Variants in MGAM2 observed in about 807,000 individuals in gnomAD.
MGAM2 encodes the protein probable maltase-glucoamylase 2.
A neutral mutation model predicts 96.1 loss-of-function variants in MGAM2; 98 were observed. The ratio of observed to expected loss-of-function variants is 1.02; its 90% CI spans 0.87 to 1.21. MGAM2 has a LOEUF of 1.21. Ranked by LOEUF, MGAM2 falls within the 50% of genes most tolerant of loss-of-function variation. MGAM2 has a pLI of 0.00. For synonymous variants in MGAM2, 749 were observed against 414.8 expected (o/e 1.81, Z -9.79); for missense variants, 2,055 against 1,182.4 (o/e 1.74, Z -10.82).
chr7:142,193,253 T>A lies in MGAM2; in HGVS notation c.4347-2901T>A, dbSNP rs189393472. On this transcript the variant is annotated intron_variant, in intron 37 of 47. Coordinates refer to ENST00000477922, the MANE Select transcript of MGAM2 (RefSeq NM_001293626.2). ...AGCACATACAATCTAAAGACCAACTTACATCTATTTCCTTCATGAAACCTG... is the reference window on the plus strand; with the variant it reads ...AGCACATACAATCTAAAGACCAACTAACATCTATTTCCTTCATGAAACCTG... Among the ~76,000 whole-genome samples, 130 of 152,288 alleles carry A rather than the reference T, an allele frequency of 8.5e-4. 1 individual carries two copies. The highest frequency in any genetic ancestry group is 6.8e-3 in the South Asian group (33 of 4,822).
At chr7:142,210,530 T>G (rs1375626214) in intron 46 of MGAM2, among the ~76,000 whole-genome samples, 1 of 152,142 alleles carries the variant, frequency 6.6e-6, no homozygotes, top group Non-Finnish European at 1.5e-5. Context: ...TACTGAGGCT[T>G]GAGTAGGCGG....
intron 3 of MGAM2, among the ~76,000 whole-genome samples, chr7:142,127,470 T>C (rs1176117328): frequency 6.6e-6 from 1 of 152,220 alleles, no homozygotes; most frequent in African/African-American, 2.4e-5. Flanking sequence ...TCAGGAGCTT[T>C]AAATCTTGTT....
intron 12 of MGAM2, 89 bp from the exon 13 acceptor site, chr7:142,143,680 A>G (rs1327435252): frequency 2.2e-6 from 1 of 461,138 alleles, no homozygotes; most frequent in Non-Finnish European, 3.9e-6. Flanking sequence ...ATGACAGCAA[A>G]ATGAGGCTCC....
At chr7:142,218,297 A>T in intron 46 of MGAM2, 64 bp from the exon 47 acceptor site, 3 of 499,658 alleles carry the variant, frequency 6.0e-6, no homozygotes, top group Non-Finnish European at 1.1e-5. Flanking sequence ...TTAATATTTT[A>T]ATATGGACCA....
Position 142,215,758 on chromosome 7 carries a change from C to CA in MGAM2, c.5188-2584dup, listed in dbSNP as rs561282810. On this transcript the variant is annotated intron_variant, in intron 46 of 47. Coordinates refer to ENST00000477922, the MANE Select transcript of MGAM2 (RefSeq NM_001293626.2). ...GGGTAGCAAGAGCGAAACTCTGTCT[C>CA]AAAAAAAAAAAAAAAAAAACCTCAT... Among the ~76,000 whole-genome samples the CA allele has an allele frequency of 3.7e-3, 386 of 103,972 alleles. 8 individuals are homozygous for CA. Among genetic ancestry groups the CA allele is most frequent in the East Asian group, 7.5e-3 (25 of 3,330 alleles). 68.2% of individuals were successfully genotyped at this position (103,972 alleles called of 152,430 possible). A position where few individuals can be genotyped will look rare whatever the true frequency, so the allele number is the denominator to read the frequency against.
chr7:142,194,690 G>A (rs1796974021), intron 37 of MGAM2, among the ~76,000 whole-genome samples: 1 of 103,972 alleles, frequency 9.6e-6, no homozygotes, highest in African/African-American at 3.8e-5. Context: ...AATAGAACAT[G>A]TGTGTATGTG....
At chr7:142,137,717 T>C (rs1795101083) in intron 9 of MGAM2, among the ~76,000 whole-genome samples, 172 bp downstream of exon 9, 3 of 152,210 alleles carry the variant, frequency 2.0e-5, no homozygotes, top group Admixed American at 2.0e-4. Flanking sequence ...TTGGGTGCTT[T>C]CTGCATTCCA....
At chr7:142,196,451 A>ATAT in intron 38 of MGAM2, 114 bp from the exon 39 acceptor site, 1 of 667,736 alleles carries the variant, frequency 1.5e-6, no homozygotes, top group Non-Finnish European at 2.7e-6. Context: ...CCATCTTTTA[A>ATAT]TATTTTCATC....
At chr7:142,150,348 A>G (rs1191903455) in intron 15 of MGAM2, among the ~76,000 whole-genome samples, 1 of 152,214 alleles carries the variant, frequency 6.6e-6, no homozygotes, top group Non-Finnish European at 1.5e-5. Flanking sequence ...GCCCTCACAT[A>G]CGATCAGTCC....
At chr7:142,208,068 G>A (rs568656365) in intron 45 of MGAM2, among the ~76,000 whole-genome samples, 2 of 152,170 alleles carry the variant, frequency 1.3e-5, no homozygotes, top group South Asian at 4.2e-4. Context: ...CACTAACTAG[G>A]TACTATTATC....
At chr7:142,207,281 A>G (rs1205732599) in intron 45 of MGAM2, among the ~76,000 whole-genome samples, 2 of 152,180 alleles carry the variant, frequency 1.3e-5, no homozygotes, top group Non-Finnish European at 2.9e-5. Context: ...TTTATATACT[A>G]TGTCACTGGT....
chr7:142,159,680 A>G (rs1013657575), intron 20 of MGAM2, among the ~76,000 whole-genome samples: 1 of 152,150 alleles, frequency 6.6e-6, no homozygotes, highest in Non-Finnish European at 1.5e-5. Flanking sequence ...TAATCACCTC[A>G]CAAAAGTCTC....
Position 142,191,360 on chromosome 7 carries a change from T to C in MGAM2, c.4346+1855T>C, listed in dbSNP as rs1168958458. Among the ~76,000 whole-genome samples, 4 of 152,220 alleles carry C rather than the reference T, an allele frequency of 2.6e-5. No individual in the cohort carries two copies. The East Asian group carries it at 7.7e-4, about 29-fold the overall frequency. ...TTTGGTGTCATATTCAAGGAACTAT[T>C]ACCTAATTCAAGGTCATGAAGATTT... On this transcript the variant is annotated intron_variant, in intron 37 of 47. Transcript: ENST00000477922.
Position 142,170,069 on chromosome 7 carries a change from T to C in MGAM2, c.3028-6T>C, listed in dbSNP as rs1005162890. ...AACAGAAAGTTTTCTTCTCTCTTCT[T>C]GCCAGATCTATGACCCCACTAATAA... is the stretch of plus-strand genomic sequence containing the variant. On this transcript the variant is annotated splice_polypyrimidine_tract_variant and splice_region_variant and intron_variant, in intron 26 of 47. Coordinates refer to ENST00000477922, the MANE Select transcript of MGAM2 (RefSeq NM_001293626.2). 2 of 697,976 alleles carry C rather than the reference T, an allele frequency of 2.9e-6. No individual in the cohort carries two copies. The highest frequency in any genetic ancestry group is 2.3e-4 in the Middle Eastern group (1 of 4,328). The allele number at this position is 697,976 out of a possible 1,614,324, so 43.2% of individuals were successfully genotyped here. A position where few individuals can be genotyped will look rare whatever the true frequency, so the allele number is the denominator to read the frequency against.
At chr7:142,218,092 C>G (rs940955994) in intron 46 of MGAM2, among the ~76,000 whole-genome samples, 9 of 151,988 alleles carry the variant, frequency 5.9e-5, no homozygotes, top group Non-Finnish European at 8.8e-5. Context: ...TCAAAACAAA[C>G]AAACAAACAA....
chr7:142,212,856 C>T (rs1283625536), intron 46 of MGAM2, among the ~76,000 whole-genome samples: 2 of 152,214 alleles, frequency 1.3e-5, no homozygotes, highest in East Asian at 1.9e-4. Flanking sequence ...CTACAGAACT[C>T]TCCACCCTAA....
At chr7:142,208,643 T>G in intron 46 of MGAM2, 21 bp downstream of exon 46, 1 of 701,236 alleles carries the variant, frequency 1.4e-6, no homozygotes. Context: ...TTTACTACAT[T>G]TTACAAATCT....
chr7:142,119,364 T>A (rs1373725641), intron 2 of MGAM2, among the ~76,000 whole-genome samples: 1 of 152,050 alleles, frequency 6.6e-6, no homozygotes, highest in Non-Finnish European at 1.5e-5. Context: ...GTCAAAACAA[T>A]AACATATCAC....
intron 3 of MGAM2, among the ~76,000 whole-genome samples, chr7:142,123,428 G>A (rs2129074962): frequency 6.6e-6 from 1 of 152,130 alleles, no homozygotes; most frequent in East Asian, 1.9e-4. Flanking sequence ...ATTTCTTTTA[G>A]TAGTATACAG....
Sources: gnomAD v4.1 joint callset for allele counts (sites outside exome capture counted in the v4.1 genomes callset) on GRCh38, gnomAD v4.1.1 for gene constraint, MANE v1.5 for transcripts, NCBI Gene and HGNC (gene_info 2026-07-23, HGNC 2026-07-21) for gene names.